Variants in CD2AP observed in about 807,000 individuals in gnomAD.
CD2AP encodes the protein CD2 associated protein, also known as CD2-associated protein.
Under a neutral mutation model 85.1 loss-of-function variants are expected in CD2AP, and 46 were observed. That is an observed-to-expected ratio of 0.54 (90% confidence interval 0.43 to 0.69). The LOEUF (loss-of-function observed/expected upper bound fraction) is 0.69, where lower values mean the gene tolerates loss of function less well. CD2AP is among the 30% of genes least tolerant of loss of function. CD2AP has a pLI of 0.00. For synonymous variants in CD2AP, 255 were observed against 252.9 expected, an observed-to-expected ratio of 1.01 and a Z score of -0.08; for missense variants, 769 against 729.5, an observed-to-expected ratio of 1.05 and a Z score of -0.62.
At chr6:47,555,870 T>TC (rs79774411) in intron 5 of CD2AP, among the ~76,000 whole-genome samples, 50,744 of 151,680 alleles carry the variant, frequency 0.33, 9,318 homozygotes, top group Middle Eastern at 0.53. Context: ...GTTTGCAGCG[T>TC]CATAGGTTGT....
At chr6:47,580,266 T>G (rs1375080636) in intron 9 of CD2AP, among the ~76,000 whole-genome samples, 1 of 152,210 alleles carries the variant, frequency 6.6e-6, no homozygotes, top group Non-Finnish European at 1.5e-5. Context: ...TTATTCTTAA[T>G]TTGTAAAAAC....
chr6:47,521,944 G>A (rs182834815), intron 2 of CD2AP, among the ~76,000 whole-genome samples: 125 of 152,256 alleles, frequency 8.2e-4, no homozygotes, highest in African/African-American at 2.7e-3. Context: ...GAACCTGGGA[G>A]GCGGAGGTTG....
intron 15 of CD2AP, 35 bp downstream of exon 15, chr6:47,608,063 T>C: frequency 7.0e-7 from 1 of 1,421,454 alleles, no homozygotes; most frequent in Non-Finnish European, 9.9e-7. Flanking sequence ...TTGTTGACTT[T>C]CTGGGATTCT....
At chr6:47,524,489 T>C (rs1331862440) in intron 2 of CD2AP, among the ~76,000 whole-genome samples, 1 of 152,200 alleles carries the variant, frequency 6.6e-6, no homozygotes, top group Non-Finnish European at 1.5e-5. Context: ...GAAATGACAT[T>C]TTTTAGATGA....
chr6:47,596,890 G>T (rs1582606189), intron 12 of CD2AP, among the ~76,000 whole-genome samples: 1 of 151,984 alleles, frequency 6.6e-6, no homozygotes, highest in Non-Finnish European at 1.5e-5. Flanking sequence ...GTGTGCAAGG[G>T]TTCCCTTTCC....
At position 47,487,342 on chromosome 6, in the gene CD2AP, A is replaced by G. The variant is rs186408368; in HGVS notation, c.4+9094A>G. On this transcript the variant is annotated intron_variant, in intron 1 of 17. Coordinates refer to ENST00000359314, the MANE Select transcript of CD2AP (RefSeq NM_012120.3). ...TATTCTAAATTCCTATATGGATTAT[A>G]TATTACAAAATGCAGTTGAACTTAT... 3.7e-4 allele frequency among the ~76,000 whole-genome samples: 56 copies of G among 152,312 alleles called. No individual in the cohort carries two copies. The East Asian group carries it at 8.9e-3, about 24-fold the overall frequency.
Position 47,598,474 on chromosome 6 carries a change from C to T in CD2AP, c.1275-827C>T, listed in dbSNP as rs763590072. Among the ~76,000 whole-genome samples the T allele has an allele frequency of 6.0e-5, 9 of 150,832 alleles. 1 individual carries two copies. Among genetic ancestry groups the T allele is most frequent in the African/African-American group, 1.5e-4 (6 of 41,252 alleles). On this transcript the variant is annotated intron_variant, in intron 12 of 17. Transcript: ENST00000359314. ...CATGCATGTTTATAGCAGCACAATT[C>T]GCAATTGCAAAGTATGGAACCAGCC... is the stretch of plus-strand genomic sequence containing the variant.
At chr6:47,621,590 A>G (rs913895342) in intron 17 of CD2AP, among the ~76,000 whole-genome samples, 11 of 152,214 alleles carry the variant, frequency 7.2e-5, no homozygotes, top group African/African-American at 1.7e-4. Flanking sequence ...TTCTTTCTCT[A>G]TCTTGTGGAA....
rs779581496 is a variant in CD2AP, at chr6:47,544,666, T to C, written c.380T>C (p.Leu127Pro). ...TACATTCCACAAAATGAGGATGAAC[T>C]GGAGCTGAAAGTGGGAGATATTATT... ...FEYIPQNEDE[L>P]ELKVGDIIDI... Residue 127 changes from leucine to proline, a missense_variant, in exon 4 of 18, where the codon CTG becomes CCG. Transcript: ENST00000359314. The C allele has an allele frequency of 5.6e-6, 9 of 1,612,822 alleles. No homozygotes were observed. Among genetic ancestry groups the C allele is most frequent in the Non-Finnish European group, 7.6e-6 (9 of 1,179,018 alleles).
chr6:47,591,596 G>C (rs1028851585), intron 11 of CD2AP, among the ~76,000 whole-genome samples: 21 of 152,014 alleles, frequency 1.4e-4, no homozygotes, highest in African/African-American at 5.1e-4. Flanking sequence ...AATCACTCCT[G>C]TTTTGGTGCC....
intron 13 of CD2AP, among the ~76,000 whole-genome samples, chr6:47,603,629 A>G (rs1436422175): frequency 6.6e-6 from 1 of 152,124 alleles, no homozygotes; most frequent in Non-Finnish European, 1.5e-5. Context: ...GATAACCTGC[A>G]AATAGTTATA....
At chr6:47,601,803 A>G (rs1769144845) in intron 13 of CD2AP, among the ~76,000 whole-genome samples, 1 of 152,026 alleles carries the variant, frequency 6.6e-6, no homozygotes, top group Admixed American at 6.6e-5. Flanking sequence ...AACTTATTGA[A>G]AATTTCATTA....
intron 2 of CD2AP, among the ~76,000 whole-genome samples, chr6:47,525,071 T>C (rs1046969644): frequency 1.3e-5 from 2 of 152,014 alleles, no homozygotes; most frequent in African/African-American, 2.4e-5. Context: ...TTATTACTTA[T>C]ATTAAAAAAA....
At chr6:47,610,269 TA>T in intron 16 of CD2AP, among the ~76,000 whole-genome samples, 1 of 152,262 alleles carries the variant, frequency 6.6e-6, no homozygotes, top group South Asian at 2.1e-4. Flanking sequence ...GTTCACATTT[TA>T]AGCACAATTC....
intron 5 of CD2AP, among the ~76,000 whole-genome samples, chr6:47,572,298 G>A: frequency 6.6e-6 from 1 of 152,206 alleles, no homozygotes; most frequent in East Asian, 1.9e-4. Flanking sequence ...CAAGTGCTGG[G>A]TGACGAATTG....
At chr6:47,574,009 G>A in intron 5 of CD2AP, 55 bp from the exon 6 acceptor site, 1 of 1,449,012 alleles carries the variant, frequency 6.9e-7, no homozygotes, top group Admixed American at 1.7e-5. Context: ...ATGACAGGAT[G>A]TCAAGCGTTT....
At chr6:47,620,849 T>C (rs909016166) in intron 17 of CD2AP, among the ~76,000 whole-genome samples, 2 of 152,168 alleles carry the variant, frequency 1.3e-5, no homozygotes, top group Non-Finnish European at 2.9e-5. Context: ...ATTCTCTGCT[T>C]GGTTGTTGTT....
intron 5 of CD2AP, among the ~76,000 whole-genome samples, chr6:47,567,103 T>C (rs1337988335): frequency 6.6e-6 from 1 of 152,012 alleles, no homozygotes; most frequent in Non-Finnish European, 1.5e-5. Context: ...TTTTTAACTT[T>C]ACTATGCTGT....
rs953846355 is a variant in CD2AP, at chr6:47,624,620, A to T, written c.*393A>T. On this transcript the variant is annotated 3_prime_UTR_variant, in exon 18 of 18. Coordinates refer to ENST00000359314, the MANE Select transcript of CD2AP (RefSeq NM_012120.3). Reference sequence around the variant, plus strand: ...AAGATATACTATTTGAGAGGGACAGATTAGCCTTTTAGTAACTATAGTCAC... The same window carrying T: ...AAGATATACTATTTGAGAGGGACAGTTTAGCCTTTTAGTAACTATAGTCAC... The T allele has an allele frequency of 3.6e-5, 7 of 193,690 alleles. No homozygotes were observed. Among genetic ancestry groups the T allele is most frequent in the Admixed American group, 1.1e-4 (2 of 18,340 alleles). The allele number at this position is 193,690 out of a possible 1,614,324, so 12.0% of individuals were successfully genotyped here. A position where few individuals can be genotyped will look rare whatever the true frequency, so the allele number is the denominator to read the frequency against.
Sources: gnomAD v4.1 joint callset for allele counts (sites outside exome capture counted in the v4.1 genomes callset) on GRCh38, gnomAD v4.1.1 for gene constraint, MANE v1.5 for transcripts, NCBI Gene and HGNC (gene_info 2026-07-23, HGNC 2026-07-21) for gene names.